Variants in ADARB2 observed in about 807,000 individuals in gnomAD.
The protein encoded by ADARB2 is inactive double-stranded RNA-specific editase B2.
Under a neutral mutation model 62.2 loss-of-function variants are expected in ADARB2, and 25 were observed. The ratio of observed to expected loss-of-function variants is 0.40; its 90% CI spans 0.29 to 0.56. ADARB2 has a LOEUF of 0.56. ADARB2 is among the 20% of genes least tolerant of loss of function. The pLI, the probability that ADARB2 is intolerant of heterozygous loss-of-function variation, is 0.43. For missense variants in ADARB2, 1,071 were observed against 1,077.4 expected (o/e 0.99, Z 0.08); for synonymous variants, 572 against 500.8 (o/e 1.14, Z -1.90).
chr10:1,657,227 A>C lies in ADARB2; in HGVS notation c.100+79824T>G, dbSNP rs946120216. The stretch of plus-strand genomic sequence containing the variant: ...TTTTCAAAAAAGTATGAAAGCAGCA[A>C]AAAGTTATTAAGCAAAGCTCAATGG... On this transcript the variant is annotated intron_variant, in intron 1 of 9. Coordinates refer to ENST00000381312, the MANE Select transcript of ADARB2 (RefSeq NM_018702.4). Among the ~76,000 whole-genome samples the C allele has an allele frequency of 2.6e-5, 4 of 152,228 alleles. No homozygotes were observed. The East Asian group carries it at 7.7e-4, about 29-fold the overall frequency.
intron 1 of ADARB2, among the ~76,000 whole-genome samples, chr10:1,386,024 A>G (rs1446833708): frequency 6.6e-6 from 1 of 152,098 alleles, no homozygotes; most frequent in African/African-American, 2.4e-5. Context: ...TATATTTAGA[A>G]AATATATAAA....
intron 1 of ADARB2, among the ~76,000 whole-genome samples, chr10:1,643,203 A>T (rs1249171922): frequency 6.6e-6 from 1 of 152,220 alleles, no homozygotes; most frequent in African/African-American, 2.4e-5. Context: ...TAAATAAGAC[A>T]TGCCATCAAA....
At chr10:1,711,367 C>A (rs17156779) in intron 1 of ADARB2, among the ~76,000 whole-genome samples, 34,533 of 152,160 alleles carry the variant, frequency 0.23, 4,473 homozygotes, top group South Asian at 0.42. Context: ...GAGGTCACAG[C>A]TCTGAAGGAC....
At chr10:1,272,318 G>T (rs779415798) in intron 3 of ADARB2, among the ~76,000 whole-genome samples, 7 of 152,188 alleles carry the variant, frequency 4.6e-5, no homozygotes, top group Non-Finnish European at 7.3e-5. Flanking sequence ...CTGATGCTGC[G>T]CAGGCATTGC....
At chr10:1,262,832 A>G (rs4880806) in intron 4 of ADARB2, among the ~76,000 whole-genome samples, 1 of 152,136 alleles carries the variant, frequency 6.6e-6, no homozygotes, top group Non-Finnish European at 1.5e-5. Flanking sequence ...ATATGCACAC[A>G]TATGTTTATT....
At chr10:1,516,204 T>C (rs1341565015) in intron 1 of ADARB2, among the ~76,000 whole-genome samples, 3 of 152,156 alleles carry the variant, frequency 2.0e-5, no homozygotes, top group Admixed American at 1.3e-4. Flanking sequence ...CTTCCTCGTG[T>C]CCTGCAGCTG....
Position 1,217,951 on chromosome 10 carries a change from G to A in ADARB2, c.1514-832C>T, listed in dbSNP as rs530066382. Among the ~76,000 whole-genome samples the A allele has an allele frequency of 9.0e-5, 13 of 143,778 alleles. No individual in the cohort carries two copies. The East Asian group carries it at 1.2e-3, about 14-fold the overall frequency. 94.3% of individuals were successfully genotyped at this position (143,778 alleles called of 152,430 possible). Reference sequence around the variant, plus strand: ...TTCTAGGGTCCCCTTGACACCCCCCGCCCCCCTATACCACATTCCCCACAA... The same window carrying A: ...TTCTAGGGTCCCCTTGACACCCCCCACCCCCCTATACCACATTCCCCACAA... On this transcript the variant is annotated intron_variant, in intron 6 of 9. Transcript: ENST00000381312.
chr10:1,736,058 A>G (rs1466022437), intron 1 of ADARB2, among the ~76,000 whole-genome samples: 2 of 152,176 alleles, frequency 1.3e-5, no homozygotes, highest in African/African-American at 4.8e-5. Context: ...GTGTTTTTCC[A>G]ACCGTTCTTT....
intron 1 of ADARB2, among the ~76,000 whole-genome samples, chr10:1,688,500 T>A (rs949042084): frequency 2.6e-5 from 4 of 151,840 alleles, no homozygotes; most frequent in African/African-American, 4.8e-5. Flanking sequence ...CAGGTGCATT[T>A]CTCACTGAGA....
intron 1 of ADARB2, among the ~76,000 whole-genome samples, chr10:1,439,068 T>G (rs1234167640): frequency 2.6e-5 from 3 of 115,310 alleles, no homozygotes; most frequent in Admixed American, 8.8e-5. Flanking sequence ...AGGCCCTTCA[T>G]GATGGGGCTC....
At chr10:1,580,126 A>G (rs541164170) in intron 1 of ADARB2, among the ~76,000 whole-genome samples, 4 of 152,332 alleles carry the variant, frequency 2.6e-5, no homozygotes, top group Non-Finnish European at 5.9e-5. Flanking sequence ...AAAAACCTTT[A>G]TCATGGTTTC....
At chr10:1,318,617 T>TA (rs1554754014) in intron 3 of ADARB2, among the ~76,000 whole-genome samples, 2 of 152,142 alleles carry the variant, frequency 1.3e-5, no homozygotes, top group Admixed American at 1.3e-4. Context: ...CGTGTACAAG[T>TA]GGGGCAACAA....
chr10:1,225,298 T>C (rs1564226794), intron 6 of ADARB2, among the ~76,000 whole-genome samples: 1 of 152,172 alleles, frequency 6.6e-6, no homozygotes, highest in African/African-American at 2.4e-5. Context: ...TTTGAGCCTA[T>C]GTGTGTCTCT....
chr10:1,497,625 G>A (rs1831710228), intron 1 of ADARB2, among the ~76,000 whole-genome samples: 1 of 152,086 alleles, frequency 6.6e-6, no homozygotes, highest in Non-Finnish European at 1.5e-5. Flanking sequence ...ACAGGCACAA[G>A]CATCAGTTAT....
intron 5 of ADARB2, among the ~76,000 whole-genome samples, chr10:1,235,114 C>T (rs1219230242): frequency 1.3e-5 from 2 of 151,682 alleles, no homozygotes; most frequent in Admixed American, 1.3e-4. Context: ...GTCTACACAC[C>T]TGTGATTCTG....
chr10:1,223,474 A>C (rs1830714987), intron 6 of ADARB2, among the ~76,000 whole-genome samples: 1 of 152,132 alleles, frequency 6.6e-6, no homozygotes, highest in Non-Finnish European at 1.5e-5. Flanking sequence ...GTGGTGAGAG[A>C]GGGCATCCCT....
intron 1 of ADARB2, among the ~76,000 whole-genome samples, chr10:1,503,497 C>G (rs1003458335): frequency 2.0e-5 from 3 of 152,152 alleles, no homozygotes; most frequent in Non-Finnish European, 2.9e-5. Flanking sequence ...TTTCAGCCCC[C>G]CTTTTAGCAC....
chr10:1,390,507 T>C (rs1232225771), intron 1 of ADARB2, among the ~76,000 whole-genome samples: 1 of 152,064 alleles, frequency 6.6e-6, no homozygotes, highest in Non-Finnish European at 1.5e-5. Flanking sequence ...GACAAGAAAA[T>C]AAATGATGTA....
chr10:1,301,738 C>A (rs886270063), intron 3 of ADARB2, among the ~76,000 whole-genome samples: 1 of 152,212 alleles, frequency 6.6e-6, no homozygotes, highest in African/African-American at 2.4e-5. Context: ...TGTGCTAACA[C>A]CTCTGGTATA....
Sources: allele counts gnomAD v4.1 joint callset (sites outside exome capture counted in the v4.1 genomes callset), GRCh38; gene constraint gnomAD v4.1.1; transcripts MANE v1.5; gene names NCBI Gene and HGNC (gene_info 2026-07-23, HGNC 2026-07-21).